The following CHST9 variants were observed in gnomAD, a reference collection of about 807,000 sequenced individuals.
The protein encoded by CHST9 is carbohydrate sulfotransferase 9, also known as GalNAc-4-sulfotransferase 2.
Under a neutral mutation model 44.4 loss-of-function variants are expected in CHST9, and 41 were observed. That is an observed-to-expected ratio of 0.92 (90% CI 0.72 to 1.20). The LOEUF (loss-of-function observed/expected upper bound fraction) is 1.20. Among genes scored for constraint, CHST9 ranks in the 50% most tolerant of loss-of-function variants. The probability of loss-of-function intolerance (pLI) is 0.00; values close to 1 mark genes in which losing one functional copy is unlikely to be tolerated. For missense variants in CHST9, 504 were observed against 516.5 expected, an observed-to-expected ratio of 0.98 and a Z score of 0.23; for synonymous variants, 171 against 178.4, an observed-to-expected ratio of 0.96 and a Z score of 0.33.
At chr18:27,112,276 T>C (rs1460102882) in intron 2 of CHST9, among the ~76,000 whole-genome samples, 1 of 151,326 alleles carries the variant, frequency 6.6e-6, no homozygotes, top group Non-Finnish European at 1.5e-5. Context: ...TGTGTGTGTA[T>C]AACAGAAGTG....
At chr18:27,022,874 T>G (rs1019765150) in intron 4 of CHST9, among the ~76,000 whole-genome samples, 1 of 152,264 alleles carries the variant, frequency 6.6e-6, no homozygotes, top group African/African-American at 2.4e-5. Flanking sequence ...CTGTCTCAAC[T>G]TATGGGCTAC....
chr18:26,928,419 A>G (rs1349371401), intron 5 of CHST9: 1 of 138,986 alleles, frequency 7.2e-6, no homozygotes, highest in East Asian at 2.5e-4. Context: ...TGGTGGCTGG[A>G]TAGATCTTCA....
rs191512955 is a variant in CHST9 at position 27,105,849 on chromosome 18, T to C, written c.121+36840A>G. Among the ~76,000 whole-genome samples, 75 of 152,260 alleles carry C rather than the reference T, an allele frequency of 4.9e-4. 2 individuals carry two copies. Among genetic ancestry groups the C allele is most frequent in the Admixed American group, 4.9e-3 (75 of 15,298 alleles). On this transcript the variant is annotated intron_variant, in intron 2 of 5. Transcript: ENST00000618847. The stretch of plus-strand genomic sequence containing the variant: ...TTAAAATTTAAGGTGATAGTCTAAA[T>C]GGACGATAAAGTTAGAATGAGATTT...
At chr18:26,964,501 G>A (rs972420451) in intron 4 of CHST9, among the ~76,000 whole-genome samples, 3 of 152,202 alleles carry the variant, frequency 2.0e-5, no homozygotes, top group Non-Finnish European at 2.9e-5. Flanking sequence ...TCTAGGCCCA[G>A]CTTACAGTTA....
intron 2 of CHST9, among the ~76,000 whole-genome samples, chr18:27,074,037 T>C (rs1158808939): frequency 1.3e-5 from 2 of 152,182 alleles, no homozygotes; most frequent in Admixed American, 1.3e-4. Context: ...ATGTCTTACC[T>C]AAAGCAGCAT....
intron 4 of CHST9, among the ~76,000 whole-genome samples, chr18:26,975,725 G>GTATATATATATA (rs59671204): frequency 7.9e-5 from 8 of 101,836 alleles, no homozygotes; most frequent in Non-Finnish European, 1.1e-4. Flanking sequence ...GTGTGTGTGT[G>GTATATATATATA]TATATATATA....
chr18:27,122,591 A>C (rs28628505), intron 2 of CHST9, among the ~76,000 whole-genome samples: 1,608 of 152,316 alleles, frequency 0.011, 24 homozygotes, highest in African/African-American at 0.034. Context: ...CATCCCATGT[A>C]ATTATCCATT....
chr18:27,180,132 G>A (rs1169419321), intron 1 of CHST9, among the ~76,000 whole-genome samples: 1 of 152,092 alleles, frequency 6.6e-6, no homozygotes, highest in Non-Finnish European at 1.5e-5. Context: ...AGTCTGGGTT[G>A]TTAGTATCTC....
chr18:27,032,796 T>C (rs1323390600), intron 3 of CHST9, among the ~76,000 whole-genome samples: 1 of 152,226 alleles, frequency 6.6e-6, no homozygotes, highest in African/African-American at 2.4e-5. Context: ...ATCTCCATTT[T>C]ACATATAAGG....
chr18:26,966,472 A>G (rs1179628986), intron 4 of CHST9, among the ~76,000 whole-genome samples: 1 of 152,220 alleles, frequency 6.6e-6, no homozygotes, highest in East Asian at 1.9e-4. Context: ...TCTTTGCCTT[A>G]AATGATTTTG....
intron 2 of CHST9, among the ~76,000 whole-genome samples, chr18:27,089,810 CTTTTT>C (rs56057285): frequency 8.0e-6 from 1 of 124,740 alleles, no homozygotes; most frequent in East Asian, 2.4e-4. Flanking sequence ...TGTTTCCTGA[CTTTTT>C]TTTTTTTTTT....
intron 1 of CHST9, among the ~76,000 whole-genome samples, chr18:27,149,171 T>G (rs1230355439): frequency 8.1e-6 from 1 of 123,218 alleles, no homozygotes; most frequent in Non-Finnish European, 1.8e-5. Context: ...CTTTGTCAGA[T>G]GAGTAGGTTG....
At position 26,909,883 on chromosome 18, in the gene CHST9, T is replaced by C. The variant is rs1348824563; in HGVS notation, c.*6376A>G. On this transcript the variant is annotated 3_prime_UTR_variant, in exon 6 of 6. Coordinates refer to ENST00000618847, the MANE Select transcript of CHST9 (RefSeq NM_031422.6). ...ACAGGGGGTGCTACAATCACCCAGATAATAGCAGGAAGTAGGGTGGAGAGG... is the reference window on the plus strand; with the variant it reads ...ACAGGGGGTGCTACAATCACCCAGACAATAGCAGGAAGTAGGGTGGAGAGG... 6.6e-6 allele frequency: 1 copy of C among 152,114 alleles called. No homozygotes were observed. Among genetic ancestry groups the C allele is most frequent in the Admixed American group, 6.6e-5 (1 of 15,260 alleles). 9.4% of individuals were successfully genotyped at this position (152,114 alleles called of 1,614,324 possible).
At chr18:27,030,763 A>C (rs893468493) in intron 3 of CHST9, among the ~76,000 whole-genome samples, 6 of 152,212 alleles carry the variant, frequency 3.9e-5, no homozygotes, top group Admixed American at 2.6e-4. Flanking sequence ...TAAAGTGAGA[A>C]TAGCACTGAA....
chr18:27,090,033 A>T (rs982433460), intron 2 of CHST9, among the ~76,000 whole-genome samples: 6 of 152,054 alleles, frequency 3.9e-5, no homozygotes, highest in Admixed American at 2.0e-4. Flanking sequence ...GTATGGTCTC[A>T]ATCTCCTGAC....
chr18:27,026,613 T>C lies in CHST9; in HGVS notation c.161-2456A>G, dbSNP rs542514241. 2.6e-5 allele frequency among the ~76,000 whole-genome samples: 4 copies of C among 152,300 alleles called. No homozygotes were observed. The South Asian group carries it at 8.3e-4, about 32-fold the overall frequency. On this transcript the variant is annotated intron_variant, in intron 3 of 5. Coordinates refer to ENST00000618847, the MANE Select transcript of CHST9 (RefSeq NM_031422.6). ...TCTGTATATTTGTACATAATAAATA[T>C]GTAGGATGTTGGGCTCAGTCCATAC... is the stretch of plus-strand genomic sequence containing the variant.
At chr18:26,951,679 A>C (rs193126) in intron 4 of CHST9, among the ~76,000 whole-genome samples, 2 of 152,214 alleles carry the variant, frequency 1.3e-5, no homozygotes, top group Non-Finnish European at 2.9e-5. Flanking sequence ...CAATTAAATC[A>C]ACATAAATCT....
chr18:26,949,862 G>A (rs2056219990), intron 4 of CHST9, among the ~76,000 whole-genome samples: 2 of 152,188 alleles, frequency 1.3e-5, no homozygotes, highest in Admixed American at 1.3e-4. Context: ...GTAGCAGCAG[G>A]GGTCGGAGTA....
intron 2 of CHST9, among the ~76,000 whole-genome samples, chr18:27,055,937 C>CGTGTGTGTGT (rs35128328): frequency 6.2e-4 from 91 of 147,444 alleles, no homozygotes; most frequent in African/African-American, 1.6e-3. Flanking sequence ...TTCTCTCTTT[C>CGTGTGTGTGT]GTGTGTGTGT....
Sources: gnomAD v4.1 joint callset for allele counts (sites outside exome capture counted in the v4.1 genomes callset) on GRCh38, gnomAD v4.1.1 for gene constraint, MANE v1.5 for transcripts, NCBI Gene and HGNC (gene_info 2026-07-23, HGNC 2026-07-21) for gene names.